The following UBR3 variants were observed in gnomAD, a reference collection of about 807,000 sequenced individuals.
UBR3 encodes E3 ubiquitin-protein ligase UBR3.
In UBR3, 85 loss-of-function variants were observed where a neutral mutation model predicts 243.2. The ratio of observed to expected loss-of-function variants is 0.35; its 90% CI spans 0.29 to 0.42. The LOEUF (loss-of-function observed/expected upper bound fraction) is 0.42, where lower values mean the gene tolerates loss of function less well. UBR3 is among the 10% of genes least tolerant of loss of function. The pLI is 1.00. For missense variants in UBR3, 1,686 were observed against 2,300.8 expected, an observed-to-expected ratio of 0.73 and a Z score of 5.47; for synonymous variants, 748 against 799.8, an observed-to-expected ratio of 0.94 and a Z score of 1.09.
chr2:169,941,506 T>G (rs1452466534), intron 19 of UBR3, among the ~76,000 whole-genome samples: 1 of 152,182 alleles, frequency 6.6e-6, no homozygotes, highest in African/African-American at 2.4e-5. Flanking sequence ...CATGGGTAAC[T>G]GAAACTGTGG....
intron 11 of UBR3, among the ~76,000 whole-genome samples, chr2:169,917,112 T>G (rs2085493897): frequency 6.6e-6 from 1 of 152,170 alleles, no homozygotes; most frequent in Non-Finnish European, 1.5e-5. Flanking sequence ...CCCCCAACAT[T>G]TGTGTCAGCT....
At position 170,081,887 on chromosome 2, in the gene UBR3, A is replaced by C. The variant is rs544303840; in HGVS notation, c.*44A>C. 4 of 1,327,082 alleles carry C rather than the reference A, an allele frequency of 3.0e-6. No homozygotes were observed. Among genetic ancestry groups the C allele is most frequent in the Non-Finnish European group, 4.1e-6 (4 of 978,058 alleles). 82.2% of individuals were successfully genotyped at this position (1,327,082 alleles called of 1,614,324 possible). A position where few individuals can be genotyped will look rare whatever the true frequency, so the allele number is the denominator to read the frequency against. On this transcript the variant is annotated 3_prime_UTR_variant, in exon 39 of 39. Transcript: ENST00000272793. ...CATCGTATCATCATTTTCGCTACGA[A>C]TTTATTTTTCAACAATAAGCTTTAA...
chr2:169,865,438 T>A (rs1309788711), intron 1 of UBR3, among the ~76,000 whole-genome samples: 1 of 152,220 alleles, frequency 6.6e-6, no homozygotes, highest in Non-Finnish European at 1.5e-5. Context: ...TTGATTTTTT[T>A]ACTTTTTTGA....
chr2:169,987,409 C>CAA (rs78223401), intron 25 of UBR3, among the ~76,000 whole-genome samples: 1 of 126,116 alleles, frequency 7.9e-6, no homozygotes. Flanking sequence ...AAAAAAAAAA[C>CAA]AAAAAAAAAA....
intron 18 of UBR3, among the ~76,000 whole-genome samples, chr2:169,929,953 G>C (rs911727086): frequency 2.6e-5 from 4 of 152,126 alleles, no homozygotes; most frequent in Non-Finnish European, 4.4e-5. Flanking sequence ...GATTTTTCAG[G>C]GAGTTCACAA....
intron 32 of UBR3, among the ~76,000 whole-genome samples, chr2:170,055,181 C>T (rs2091305787): frequency 6.6e-6 from 1 of 152,054 alleles, no homozygotes; most frequent in Admixed American, 6.6e-5. Context: ...CCTGTAGTCC[C>T]AGCTACTGTT....
At chr2:169,964,588 T>C (rs2105371393) in intron 24 of UBR3, 1 of 390,546 alleles carries the variant, frequency 2.6e-6, no homozygotes, top group South Asian at 2.1e-5. Context: ...CAGATGACGT[T>C]TGATTGCTTT....
chr2:170,033,088 T>C (rs1375516391), intron 31 of UBR3, among the ~76,000 whole-genome samples: 1 of 152,090 alleles, frequency 6.6e-6, no homozygotes, highest in South Asian at 2.1e-4. Context: ...TACAGAGTAT[T>C]CGAACACACA....
intron 29 of UBR3, among the ~76,000 whole-genome samples, chr2:170,012,094 T>C (rs1304225149): frequency 6.6e-6 from 1 of 152,062 alleles, no homozygotes; most frequent in East Asian, 1.9e-4. Flanking sequence ...GGGTACTCAA[T>C]AGAGTGAATG....
At chr2:170,028,367 C>G (rs1574418629) in intron 30 of UBR3, among the ~76,000 whole-genome samples, 1 of 151,788 alleles carries the variant, frequency 6.6e-6, no homozygotes, top group East Asian at 1.9e-4. Flanking sequence ...GGTCTGCTGG[C>G]TCACAGCAAC....
chr2:169,877,897 T>C (rs1334350042), intron 4 of UBR3, among the ~76,000 whole-genome samples: 1 of 152,212 alleles, frequency 6.6e-6, no homozygotes, highest in Non-Finnish European at 1.5e-5. Context: ...GTACAGTTGC[T>C]ATTCAAGAGT....
At chr2:170,072,518 C>T (rs1321245923) in intron 35 of UBR3, among the ~76,000 whole-genome samples, 2 of 152,160 alleles carry the variant, frequency 1.3e-5, no homozygotes, top group East Asian at 1.9e-4. Flanking sequence ...CACATATATA[C>T]ATATGTAACT....
Position 169,827,613 on chromosome 2 carries a change from A to G in UBR3, c.106A>G (p.Lys36Glu). 1 of 1,268,800 alleles carries G rather than the reference A, an allele frequency of 7.9e-7. No homozygotes were observed. The highest frequency in any genetic ancestry group is 2.9e-5 in the South Asian group (1 of 34,360). The allele number at this position is 1,268,800 out of a possible 1,614,324, so 78.6% of individuals were successfully genotyped here. ...LDKAATAAHL[K>E]AALSRPDNRA... Reference sequence around the variant, plus strand: ...CAAGGCGGCCACCGCCGCGCACCTCAAGGCGGCCCTCAGCCGGCCGGACAA... The same window carrying G: ...CAAGGCGGCCACCGCCGCGCACCTCGAGGCGGCCCTCAGCCGGCCGGACAA... The change falls in exon 1 of 39, where the codon AAG becomes GAG. Residue 36 changes from lysine (K) to glutamate (E), a missense_variant. By Grantham distance (56) the Lys-to-Glu change is moderately conservative. Transcript: ENST00000272793.
chr2:169,841,674 C>T (rs563838412), intron 1 of UBR3, among the ~76,000 whole-genome samples: 3 of 152,342 alleles, frequency 2.0e-5, no homozygotes, highest in East Asian at 3.9e-4. Context: ...ACTTAGCACC[C>T]GGGCCAGTGG....
At chr2:169,855,916 C>G (rs1201716977) in intron 1 of UBR3, among the ~76,000 whole-genome samples, 2 of 151,584 alleles carry the variant, frequency 1.3e-5, no homozygotes, top group African/African-American at 4.8e-5. Context: ...ACTTCCCAGA[C>G]GGGGCAGCCA....
Position 170,007,162 on chromosome 2 carries a change from A to C in UBR3, c.4202A>C (p.Glu1401Ala), listed in dbSNP as rs181419318. The C allele has an allele frequency of 6.2e-7, 1 of 1,609,714 alleles. No individual in the cohort carries two copies. Among genetic ancestry groups the C allele is most frequent in the East Asian group, 2.2e-5 (1 of 44,796 alleles). Residue 1401 changes from glutamate to alanine, a missense_variant, in exon 28 of 39, where the codon GAG becomes GCG. Glu to Ala is a moderately radical substitution (Grantham distance 107). Around this residue, in one of 8 missense-constraint regions of UBR3, gnomAD observed 371 missense variants for 422.5 expected, o/e 0.88. Transcript: ENST00000272793. ...CAAGATCTCATAAAGGAAGTGGAGG[A>C]GCTGCAGGGACGACCGGGAGCTTTC... Reference protein sequence around the residue: ...SIQDLIKEVEELQGRPGAFPS... With the variant: ...SIQDLIKEVEALQGRPGAFPS...
Position 169,882,741 on chromosome 2 carries a change from A to G in UBR3, c.1038+4167A>G, listed in dbSNP as rs1280953825. ...TGACAGAGTGAGACTCCATCTCAAA[A>G]AAAAGAAAAAAAAAAAGAAAAGTCA... is the stretch of plus-strand genomic sequence containing the variant. On this transcript the variant is annotated intron_variant, in intron 5 of 38. Coordinates refer to ENST00000272793, the MANE Select transcript of UBR3 (RefSeq NM_172070.4). Among the ~76,000 whole-genome samples, 5 of 152,140 alleles carry G rather than the reference A, an allele frequency of 3.3e-5. No individual in the cohort carries two copies. In the South Asian group the frequency reaches 1.0e-3, roughly 32 times the overall value.
intron 26 of UBR3, among the ~76,000 whole-genome samples, chr2:170,000,170 T>G (rs942270319): frequency 2.6e-5 from 4 of 152,018 alleles, no homozygotes; most frequent in Non-Finnish European, 5.9e-5. Context: ...AAAACAAATT[T>G]GGAAAGGATA....
intron 3 of UBR3, 135 bp downstream of exon 3, chr2:169,876,084 C>CTTTT (rs547614070): frequency 7.4e-5 from 31 of 418,364 alleles, no homozygotes; most frequent in East Asian, 1.3e-4. Flanking sequence ...AAGAGAACTT[C>CTTTT]TTTTTTTTTT....
Sources: gnomAD v4.1 joint callset for allele counts (sites outside exome capture counted in the v4.1 genomes callset) on GRCh38, gnomAD v4.1.1 for gene constraint, gnomAD v4.1.1 regional missense constraint, MANE v1.5 for transcripts, NCBI Gene and HGNC (gene_info 2026-07-23, HGNC 2026-07-21) for gene names.